The following RBFOX1 variants were observed in gnomAD, a reference collection of about 807,000 sequenced individuals.
The protein encoded by RBFOX1 is RNA binding fox-1 homolog 1.
A neutral mutation model predicts 57.7 loss-of-function variants in RBFOX1; 8 were observed. That is an observed-to-expected ratio of 0.14 (90% CI 0.08 to 0.25). RBFOX1 has a LOEUF of 0.25. Ranked by LOEUF, RBFOX1 falls within the 10% of genes least tolerant of loss-of-function variation. The pLI is 1.00. For synonymous variants in RBFOX1, 326 were observed against 222.4 expected (o/e 1.47, Z -4.15); for missense variants, 611 against 548.5 (o/e 1.11, Z -1.14).
At chr16:6,893,645 A>G (rs1011859501) in intron 3 of RBFOX1, among the ~76,000 whole-genome samples, 1 of 152,192 alleles carries the variant, frequency 6.6e-6, no homozygotes, top group African/African-American at 2.4e-5. Flanking sequence ...TGTTCCTCCA[A>G]TAGAGCATTG....
intron 3 of RBFOX1, among the ~76,000 whole-genome samples, chr16:6,870,170 T>C (rs1221431713): frequency 6.6e-6 from 1 of 152,180 alleles, no homozygotes; most frequent in African/African-American, 2.4e-5. Flanking sequence ...TGAATGAGTT[T>C]AGGGTTTGGC....
At chr16:6,515,112 T>C (rs1419408136) in intron 2 of RBFOX1, among the ~76,000 whole-genome samples, 1 of 152,162 alleles carries the variant, frequency 6.6e-6, no homozygotes, top group East Asian at 1.9e-4. Context: ...GAAATGGGTG[T>C]ATATTACAGG....
rs148965889 is a variant in RBFOX1, at chr16:6,963,204, A to G, written c.-15-88853A>G. ...ATTTTTTTTCGGAGTCCGTCATGCC[A>G]TAATTTTCTGTAAAGAGGTAGCATC... On this transcript the variant is annotated intron_variant, in intron 3 of 15. Coordinates refer to ENST00000550418, the MANE Select transcript of RBFOX1 (RefSeq NM_018723.4). Among the ~76,000 whole-genome samples the G allele has an allele frequency of 1.4e-3, 219 of 152,176 alleles. 1 individual carries two copies. The highest frequency in any genetic ancestry group is 5.0e-3 in the African/African-American group (206 of 41,514).
intron 1 of RBFOX1, among the ~76,000 whole-genome samples, chr16:5,347,804 A>G (rs1197322592): frequency 8.4e-6 from 1 of 119,694 alleles, no homozygotes; most frequent in Non-Finnish European, 1.7e-5. Flanking sequence ...CCACCCTTCC[A>G]CTTAATCATG....
intron 1 of RBFOX1, among the ~76,000 whole-genome samples, chr16:6,270,728 C>G (rs185073272): frequency 1.9e-3 from 284 of 152,262 alleles, no homozygotes; most frequent in African/African-American, 6.3e-3. Context: ...TCAACGAGGA[C>G]TAATCAACAT....
At chr16:6,209,723 C>G (rs1373877686) in intron 1 of RBFOX1, among the ~76,000 whole-genome samples, 1 of 152,196 alleles carries the variant, frequency 6.6e-6, no homozygotes, top group Non-Finnish European at 1.5e-5. Context: ...GCCATTGTCA[C>G]TGGATGATTG....
chr16:6,077,248 A>G (rs1267606037), intron 1 of RBFOX1, among the ~76,000 whole-genome samples: 1 of 152,164 alleles, frequency 6.6e-6, no homozygotes, highest in South Asian at 2.1e-4. Context: ...GGCAGACACC[A>G]TGGCATTGCA....
chr16:6,790,241 G>T (rs1164308721), intron 3 of RBFOX1, among the ~76,000 whole-genome samples: 1 of 150,988 alleles, frequency 6.6e-6, no homozygotes, highest in Non-Finnish European at 1.5e-5. Flanking sequence ...CTGGAATGCA[G>T]TGGTACAATT....
At chr16:6,850,683 T>C (rs964413192) in intron 3 of RBFOX1, among the ~76,000 whole-genome samples, 22 of 152,188 alleles carry the variant, frequency 1.4e-4, no homozygotes, top group African/African-American at 5.1e-4. Context: ...CCGTTACATA[T>C]AGCTATGCAG....
chr16:6,759,769 A>G (rs1002931400), intron 3 of RBFOX1, among the ~76,000 whole-genome samples: 2 of 152,200 alleles, frequency 1.3e-5, no homozygotes, highest in African/African-American at 2.4e-5. Context: ...TGCTAAAGAA[A>G]TAATAAGGAA....
chr16:5,620,227 C>G (rs890801696), intron 3 of RBFOX1, among the ~76,000 whole-genome samples: 1 of 152,078 alleles, frequency 6.6e-6, no homozygotes, highest in Admixed American at 6.6e-5. Context: ...GCATTAGCCC[C>G]GTTTTGTGGA....
At chr16:5,984,257 C>G (rs935275215) in intron 4 of RBFOX1, among the ~76,000 whole-genome samples, 1 of 145,666 alleles carries the variant, frequency 6.9e-6, no homozygotes, top group East Asian at 2.0e-4. Flanking sequence ...ATAAAAGTCC[C>G]TATTTCTTTT....
intron 3 of RBFOX1, among the ~76,000 whole-genome samples, chr16:5,618,329 AT>A (rs71142632): frequency 1.4e-4 from 21 of 149,732 alleles, no homozygotes; most frequent in African/African-American, 3.2e-4. Context: ...ATGGCTGCAG[AT>A]TTTTTTTTTT....
intron 4 of RBFOX1, among the ~76,000 whole-genome samples, chr16:7,146,106 G>T (rs529942229): frequency 6.6e-6 from 1 of 152,270 alleles, no homozygotes; most frequent in South Asian, 2.1e-4. Context: ...AATGAACTTT[G>T]CCTGTCAAAG....
chr16:5,886,733 C>CA (rs1201830492), intron 4 of RBFOX1, among the ~76,000 whole-genome samples: 1 of 152,118 alleles, frequency 6.6e-6, no homozygotes, highest in East Asian at 1.9e-4. Context: ...ACTTAAAATA[C>CA]AAAAATTAGC....
chr16:7,567,997 C>T (rs1013789108), intron 5 of RBFOX1, among the ~76,000 whole-genome samples: 1 of 151,718 alleles, frequency 6.6e-6, no homozygotes, highest in African/African-American at 2.4e-5. Context: ...AAATTTATTT[C>T]ATTTAAAAAT....
At chr16:5,549,687 T>C (rs1189653930) in intron 2 of RBFOX1, among the ~76,000 whole-genome samples, 1 of 152,190 alleles carries the variant, frequency 6.6e-6, no homozygotes, top group East Asian at 1.9e-4. Context: ...AGAAACCTAA[T>C]ACAAATCATA....
At chr16:6,824,918 C>T (rs907736217) in intron 3 of RBFOX1, among the ~76,000 whole-genome samples, 1 of 149,184 alleles carries the variant, frequency 6.7e-6, no homozygotes, top group East Asian at 2.0e-4. Context: ...TCCCTAGAGG[C>T]AACCATTGGT....
rs890723290 is a variant in RBFOX1 at position 5,281,508 on chromosome 16, A to T, written c.219+41403A>T. ...ATTTTATATCTAGATGAACTGTCCA[A>T]TGCTGAGAGTAGGATATTGAAGTGC... On this transcript the variant is annotated intron_variant, in intron 1 of 2. Transcript: ENST00000585867. 3.3e-5 allele frequency among the ~76,000 whole-genome samples: 5 copies of T among 152,192 alleles called. 1 individual carries two copies. The highest frequency in any genetic ancestry group is 1.2e-4 in the African/African-American group (5 of 41,430).
Sources: allele counts gnomAD v4.1 joint callset (sites outside exome capture counted in the v4.1 genomes callset), GRCh38; gene constraint gnomAD v4.1.1; transcripts MANE v1.5; gene names NCBI Gene and HGNC (gene_info 2026-07-23, HGNC 2026-07-21).